USP31: variants seen among roughly 807,000 people sequenced by gnomAD.
USP31 encodes the protein ubiquitin specific peptidase 31.
In USP31, 44 loss-of-function variants were observed where a neutral mutation model predicts 119.4. The observed-to-expected ratio is 0.37, with a 90% CI of 0.29 to 0.47. The LOEUF is 0.47. Among genes scored for constraint, USP31 ranks in the 20% least tolerant of loss-of-function variants. The pLI, the probability that USP31 is intolerant of heterozygous loss-of-function variation, is 0.99. For missense variants in USP31, 1,643 were observed against 1,730.2 expected (o/e 0.95, Z 0.89); for synonymous variants, 749 against 705.6 (o/e 1.06, Z -0.97).
chr16:23,120,411 A>T (rs1902628225), intron 1 of USP31, among the ~76,000 whole-genome samples: 1 of 152,264 alleles, frequency 6.6e-6, no homozygotes, highest in African/African-American at 2.4e-5. Flanking sequence ...AGGCTGTTTA[A>T]AAACAAGAGA....
In USP31 at chr16:23,139,731, C is replaced by T. The variant is rs1903298989; in HGVS notation, c.633+8907G>A. 3.9e-5 allele frequency among the ~76,000 whole-genome samples: 6 copies of T among 152,300 alleles called. No homozygotes were observed. In the South Asian group the frequency reaches 1.2e-3, roughly 32 times the overall value. On this transcript the variant is annotated intron_variant, in intron 1 of 15. Coordinates refer to ENST00000219689, the MANE Select transcript of USP31 (RefSeq NM_020718.4). ...CCTGATTTCCAACTGTCTATTAAGGCTTCCTCTCTTAAGTGGGAAGGTCAT... is the reference window on the plus strand; with the variant it reads ...CCTGATTTCCAACTGTCTATTAAGGTTTCCTCTCTTAAGTGGGAAGGTCAT...
In USP31 at chr16:23,074,169, G is replaced by C. The variant is rs1900464455; in HGVS notation, c.2177-289C>G. ...AACCAGGGAACTGTGTCTGTGGCGGGGGGAGTGGGATTTGGCAATGAATGG... is the reference window on the plus strand; with the variant it reads ...AACCAGGGAACTGTGTCTGTGGCGGCGGGAGTGGGATTTGGCAATGAATGG... On this transcript the variant is annotated intron_variant, in intron 13 of 15. Transcript: ENST00000219689. 2.6e-5 allele frequency among the ~76,000 whole-genome samples: 4 copies of C among 152,242 alleles called. No homozygotes were observed. In the South Asian group the frequency reaches 8.3e-4, roughly 32 times the overall value.
intron 11 of USP31, 76 bp downstream of exon 11, chr16:23,084,784 G>C: frequency 6.3e-7 from 1 of 1,577,244 alleles, no homozygotes; most frequent in Non-Finnish European, 8.6e-7. Flanking sequence ...GGCGTGATTT[G>C]TTTCTCCACT....
chr16:23,119,906 A>G (rs1410326549), intron 1 of USP31, among the ~76,000 whole-genome samples: 7 of 152,134 alleles, frequency 4.6e-5, no homozygotes, highest in African/African-American at 1.7e-4. Flanking sequence ...GGTGTTCTTC[A>G]CCTTAAATGC....
intron 1 of USP31, among the ~76,000 whole-genome samples, chr16:23,117,205 G>C (rs1902514382): frequency 6.6e-6 from 1 of 152,216 alleles, no homozygotes. Context: ...CAAGGGCCAA[G>C]CATAGGATAA....
At chr16:23,111,091 G>T (rs2141879034) in intron 1 of USP31, among the ~76,000 whole-genome samples, 1 of 152,264 alleles carries the variant, frequency 6.6e-6, no homozygotes, top group East Asian at 1.9e-4. Context: ...TCGTGCCACT[G>T]CCCTCCAGCC....
At chr16:23,122,704 G>A (rs1902713687) in intron 1 of USP31, among the ~76,000 whole-genome samples, 2 of 152,078 alleles carry the variant, frequency 1.3e-5, no homozygotes, top group Admixed American at 1.3e-4. Context: ...AGATGCAAAA[G>A]GCCACATATA....
chr16:23,130,630 A>G (rs1902999771), intron 1 of USP31, among the ~76,000 whole-genome samples: 1 of 152,038 alleles, frequency 6.6e-6, no homozygotes, highest in African/African-American at 2.4e-5. Context: ...AGACTCCCCT[A>G]GGGAGTCTTC....
chr16:23,134,305 T>C (rs1006141172), intron 1 of USP31, among the ~76,000 whole-genome samples: 2 of 152,160 alleles, frequency 1.3e-5, no homozygotes, highest in Non-Finnish European at 2.9e-5. Flanking sequence ...GAGAAACCTT[T>C]TGTAAATAAG....
chr16:23,075,533 C>T (rs1415831131), intron 13 of USP31, among the ~76,000 whole-genome samples: 2 of 152,070 alleles, frequency 1.3e-5, no homozygotes, highest in Admixed American at 6.5e-5. Flanking sequence ...CGGACTGACA[C>T]GAGCCCACAC....
At chr16:23,135,371 C>T (rs534310367) in intron 1 of USP31, among the ~76,000 whole-genome samples, 13 of 151,866 alleles carry the variant, frequency 8.6e-5, no homozygotes, top group Non-Finnish European at 1.5e-4. Flanking sequence ...GAAACAAAAG[C>T]CATTAAAAAT....
intron 13 of USP31, 116 bp downstream of exon 13, chr16:23,079,830 G>T: frequency 1.0e-6 from 1 of 956,666 alleles, no homozygotes; most frequent in Non-Finnish European, 1.5e-6. Context: ...TGCCCTCACA[G>T]TTGGCACACT....
At chr16:23,096,805 G>A (rs1342860961) in intron 6 of USP31, among the ~76,000 whole-genome samples, 1 of 151,872 alleles carries the variant, frequency 6.6e-6, no homozygotes, top group African/African-American at 2.4e-5. Flanking sequence ...TGAGAACAAA[G>A]ACAACGTACC....
intron 6 of USP31, among the ~76,000 whole-genome samples, chr16:23,098,700 T>C (rs1427517083): frequency 3.9e-5 from 6 of 152,116 alleles, no homozygotes; most frequent in Admixed American, 3.9e-4. Context: ...TTGACAAACC[T>C]GACAAAAACA....
chr16:23,068,423 A>G lies in USP31; in HGVS notation c.3682T>C (p.Phe1228Leu). 2.5e-6 allele frequency: 4 copies of G among 1,613,802 alleles called. No homozygotes were observed. Among genetic ancestry groups the G allele is most frequent in the Non-Finnish European group, 3.4e-6 (4 of 1,180,040 alleles). The change falls in exon 16 of 16, where the codon TTC becomes CTC. Residue 1228 changes from phenylalanine to leucine, a missense_variant. Physicochemically the swap from Phe to Leu is conservative, Grantham distance 22 (BLOSUM62 0). Around this residue, in one of 5 missense-constraint regions of USP31, gnomAD observed 699 missense variants for 650.9 expected, o/e 1.07. Coordinates refer to ENST00000219689, the MANE Select transcript of USP31 (RefSeq NM_020718.4). ...DSKSEDKGLS[F>L]FKSALRQKET... ...TTCTGTCTCAAGGCTGATTTGAAGA[A>G]GGACAGCCCCTTGTCCTCAGACTTG... is the stretch of plus-strand genomic sequence containing the variant.
intron 1 of USP31, chr16:23,115,908 T>C (rs1902471290): frequency 5.7e-6 from 3 of 524,960 alleles, no homozygotes; most frequent in Non-Finnish European, 7.3e-6. Context: ...TTTCTTCCTG[T>C]AGAGCCCTAG....
chr16:23,075,809 G>A (rs894545105), intron 13 of USP31, among the ~76,000 whole-genome samples: 7 of 152,134 alleles, frequency 4.6e-5, no homozygotes, highest in Admixed American at 3.9e-4. Flanking sequence ...ATTCCAGGCC[G>A]GCCATGGTGG....
At chr16:23,143,585 T>TGGG (rs374157408) in intron 1 of USP31, among the ~76,000 whole-genome samples, 1 of 119,742 alleles carries the variant, frequency 8.4e-6, no homozygotes, top group African/African-American at 3.3e-5. Flanking sequence ...AGGGAGAGGT[T>TGGG]GGGGGGGGGG....
Position 23,062,088 on chromosome 16 carries a change from A to C in USP31, c.*5958T>G, listed in dbSNP as rs1899855631. 1 of 152,672 alleles carries C rather than the reference A, an allele frequency of 6.5e-6. No homozygotes were observed. The highest frequency in any genetic ancestry group is 1.5e-5 in the Non-Finnish European group (1 of 68,042). The allele number at this position is 152,672 out of a possible 1,614,324, so 9.5% of individuals were successfully genotyped here. ...ATTATTCTGGATGGCCTTTCTAAAGAAACATTTCCAACTTGCATGTCTACT... is the reference window on the plus strand; with the variant it reads ...ATTATTCTGGATGGCCTTTCTAAAGCAACATTTCCAACTTGCATGTCTACT... On this transcript the variant is annotated 3_prime_UTR_variant, in exon 16 of 16. Transcript: ENST00000219689.
Sources: gnomAD v4.1 joint callset for allele counts (sites outside exome capture counted in the v4.1 genomes callset) on GRCh38, gnomAD v4.1.1 for gene constraint, gnomAD v4.1.1 regional missense constraint, MANE v1.5 for transcripts, NCBI Gene and HGNC (gene_info 2026-07-23, HGNC 2026-07-21) for gene names.